The following RGL3 variants were observed in gnomAD, a reference collection of about 807,000 sequenced individuals.
RGL3 encodes ral guanine nucleotide dissociation stimulator like 3, also known as ral guanine nucleotide dissociation stimulator-like 3.
Under a neutral mutation model 90.6 loss-of-function variants are expected in RGL3, and 85 were observed. The ratio of observed to expected loss-of-function variants is 0.94; its 90% CI spans 0.79 to 1.12. The LOEUF (loss-of-function observed/expected upper bound fraction) is 1.12, where lower values mean the gene tolerates loss of function less well. Among genes scored for constraint, RGL3 ranks in the 50% most tolerant of loss-of-function variants. The pLI, the probability that RGL3 is intolerant of heterozygous loss-of-function variation, is 0.00. For synonymous variants in RGL3, 408 were observed against 385.5 expected (o/e 1.06, Z -0.68); for missense variants, 1,034 against 939.2 (o/e 1.10, Z -1.32).
chr19:11,417,310 C>A (rs928019794), intron 2 of RGL3, among the ~76,000 whole-genome samples: 2 of 151,560 alleles, frequency 1.3e-5, no homozygotes, highest in African/African-American at 4.9e-5. Context: ...ACCACCAAGC[C>A]CAGCTAATTT....
chr19:11,396,158 ATTTTTTTTTTT>A (rs1169850022), intron 18 of RGL3, among the ~76,000 whole-genome samples: 341 of 25,554 alleles, frequency 0.013, 8 homozygotes, highest in African/African-American at 0.04. Flanking sequence ...ATATATATAT[ATTTTTTTTTTT>A]TTTTTTTTTT....
Position 11,405,494 on chromosome 19 carries a change from C to CTTTT in RGL3, c.997-72_997-69dup, listed in dbSNP as rs771398199. On this transcript the variant is annotated intron_variant, in intron 7 of 18. Transcript: ENST00000380456. ...ACCTTTCATCCTGAAACTTCTTCAT[C>CTTTT]TTTTTTTTTTTTTTTTTTTTTTTTT... The CTTTT allele has an allele frequency of 1.7e-3, 281 of 163,932 alleles. 20 individuals carry two copies. Among genetic ancestry groups the CTTTT allele is most frequent in the Non-Finnish European group, 2.3e-3 (189 of 82,254 alleles). The allele number at this position is 163,932 out of a possible 1,614,324, so 10.2% of individuals were successfully genotyped here. A position where few individuals can be genotyped will look rare whatever the true frequency, so the allele number is the denominator to read the frequency against.
chr19:11,402,240 A>C lies in RGL3; in HGVS notation c.1337T>G (p.Leu446Arg). ...TALPDMLEGD[L>R]INFEKRRKEW... Reference sequence around the variant, plus strand: ...CTTCCTCCTCTTCTCAAAGTTAATGAGATCCCCCTGGGGGCAAAGTGTGTC... The same window carrying C: ...CTTCCTCCTCTTCTCAAAGTTAATGCGATCCCCCTGGGGGCAAAGTGTGTC... Residue 446 changes from leucine (L) to arginine (R), a missense_variant, in exon 12 of 19, where the codon CTC becomes CGC. Coordinates refer to ENST00000380456, the MANE Select transcript of RGL3 (RefSeq NM_001035223.4). 6.2e-7 allele frequency: 1 copy of C among 1,613,474 alleles called. No homozygotes were observed. The highest frequency in any genetic ancestry group is 1.1e-5 in the South Asian group (1 of 91,070).
chr19:11,402,449 T>A lies in RGL3; in HGVS notation c.1329+6A>T, dbSNP rs1176358702. On this transcript the variant is annotated splice_donor_region_variant and intron_variant, in intron 11 of 18. Transcript: ENST00000380456. Reference sequence around the variant, plus strand: ...GGGGTCAGGGGTCAAGGGTCAGGGGTCAGACCTCCAACATATCCGGCAGGG... The same window carrying A: ...GGGGTCAGGGGTCAAGGGTCAGGGGACAGACCTCCAACATATCCGGCAGGG... 6.3e-7 allele frequency: 1 copy of A among 1,597,566 alleles called. No individual in the cohort carries two copies. The highest frequency in any genetic ancestry group is 8.5e-7 in the Non-Finnish European group (1 of 1,172,962).
chr19:11,406,583 G>A lies in RGL3; in HGVS notation c.832C>T (p.Gln278Ter). Reference protein sequence around the residue: ...LYECLGSVWSQRDRPGAAGAS... With the variant: ...LYECLGSVWS ...CCTGCAGCCCCCGGCCGGTCCCTCTGCGACCACACGGAGCCCAAGCACTCG... is the reference window on the plus strand; with the variant it reads ...CCTGCAGCCCCCGGCCGGTCCCTCTACGACCACACGGAGCCCAAGCACTCG... Residue 278 changes from glutamine (Q) to a stop codon, truncating the protein, a stop_gained, in exon 7 of 19, where the codon CAG becomes TAG. Coordinates refer to ENST00000380456, the MANE Select transcript of RGL3 (RefSeq NM_001035223.4). LOFTEE classifies it high-confidence loss of function. The A allele has an allele frequency of 6.4e-7, 1 of 1,552,030 alleles. No individual in the cohort carries two copies. Among genetic ancestry groups the A allele is most frequent in the Non-Finnish European group, 8.7e-7 (1 of 1,148,078 alleles).
intron 13 of RGL3, among the ~76,000 whole-genome samples, chr19:11,400,647 T>C (rs923941182): frequency 6.6e-5 from 10 of 150,488 alleles, no homozygotes; most frequent in Non-Finnish European, 1.5e-4. Context: ...GGGTCAAGAG[T>C]TCGAAACCAG....
chr19:11,413,534 C>CAAAA (rs1291598746), intron 5 of RGL3, among the ~76,000 whole-genome samples: 3 of 31,250 alleles, frequency 9.6e-5, no homozygotes, highest in East Asian at 1.0e-3. Context: ...GGCTCCGTCT[C>CAAAA]AAAAAAAAAA....
At chr19:11,394,730 A>G (rs1419480567) in intron 18 of RGL3, 4 of 522,402 alleles carry the variant, frequency 7.7e-6, no homozygotes, top group African/African-American at 5.8e-5. Context: ...TTCCCTTATC[A>G]TAAGCCTGGG....
intron 5 of RGL3, among the ~76,000 whole-genome samples, chr19:11,414,165 A>ATATATACCTT (rs1568341499): frequency 9.0e-6 from 1 of 111,248 alleles, no homozygotes; most frequent in South Asian, 2.8e-4. Flanking sequence ...ATATATATAT[A>ATATATACCTT]TATATATATA....
chr19:11,416,731 C>G, intron 3 of RGL3, 64 bp from the exon 4 acceptor site: 2 of 1,597,744 alleles, frequency 1.3e-6, no homozygotes, highest in Non-Finnish European at 1.7e-6. Flanking sequence ...GAAGAGGGCT[C>G]TGGGTCTGGG....
intron 16 of RGL3, among the ~76,000 whole-genome samples, 183 bp downstream of exon 16, chr19:11,399,672 C>T (rs1030282253): frequency 8.5e-5 from 13 of 152,240 alleles, no homozygotes; most frequent in Non-Finnish European, 1.6e-4. Flanking sequence ...GAGTGATCAC[C>T]CAAACAGGGC....
In RGL3 at chr19:11,397,516, G is replaced by A. The variant is rs111956126; in HGVS notation, c.1828C>T (p.Gln610Ter). The A allele has an allele frequency of 7.4e-4, 1,196 of 1,613,496 alleles. No homozygotes were observed. Among genetic ancestry groups the A allele is most frequent in the Admixed American group, 1.3e-3 (80 of 59,964 alleles). ...CGGATGACACGGGCCTCCGAGCTCT[G>A]CTGCGCCGGGAGGGGGATTCGAGGG... Reference protein sequence around the residue: ...GSPRIPLPAQQSSEARVIRVS... With the variant: ...GSPRIPLPAQ Residue 610 changes from glutamine (Q) to a stop codon, truncating the protein, a stop_gained, in exon 17 of 19, where the codon CAG becomes TAG. Coordinates refer to ENST00000380456, the MANE Select transcript of RGL3 (RefSeq NM_001035223.4). LOFTEE classifies it high-confidence loss of function.
rs762784889 is a variant in RGL3 at position 11,402,141 on chromosome 19, C to T, written c.1363-9G>A. The T allele has an allele frequency of 4.1e-5, 65 of 1,601,834 alleles. No individual in the cohort carries two copies. Among genetic ancestry groups the T allele is most frequent in the South Asian group, 6.7e-5 (6 of 90,050 alleles). ...GCCAGGATCTCCCACTCCTGGAGGA[C>T]GAGCCTCTAAGACCCTACCCCTGCC... is the stretch of plus-strand genomic sequence containing the variant. On this transcript the variant is annotated splice_polypyrimidine_tract_variant and intron_variant, in intron 12 of 18. Coordinates refer to ENST00000380456, the MANE Select transcript of RGL3 (RefSeq NM_001035223.4).
chr19:11,418,651 C>A lies in RGL3; in HGVS notation c.147+20G>T. 1 of 1,525,630 alleles carries A rather than the reference C, an allele frequency of 6.6e-7. No homozygotes were observed. Among genetic ancestry groups the A allele is most frequent in the Non-Finnish European group, 8.8e-7 (1 of 1,136,294 alleles). The allele number at this position is 1,525,630 out of a possible 1,614,324, so 94.5% of individuals were successfully genotyped here. On this transcript the variant is annotated intron_variant, in intron 2 of 18. Coordinates refer to ENST00000380456, the MANE Select transcript of RGL3 (RefSeq NM_001035223.4). ...CTGGTCGCTTCCGGCCCCGCGCCAC[C>A]CACCAAACCCCCTCCTCACCTGGCT...
intron 18 of RGL3, 64 bp from the exon 19 acceptor site, chr19:11,394,584 C>A (rs1258698836): frequency 8.0e-7 from 1 of 1,252,504 alleles, no homozygotes; most frequent in Non-Finnish European, 1.2e-6. Context: ...CACAGAGGAC[C>A]CGGGAGCCTC....
At position 11,402,142 on chromosome 19, in the gene RGL3, G is replaced by A. The variant is rs201281879; in HGVS notation, c.1363-10C>T. 16 of 1,610,806 alleles carry A rather than the reference G, an allele frequency of 9.9e-6. No individual in the cohort carries two copies. Among genetic ancestry groups the A allele is most frequent in the East Asian group, 8.9e-5 (4 of 44,876 alleles). On this transcript the variant is annotated splice_polypyrimidine_tract_variant and intron_variant, in intron 12 of 18. Transcript: ENST00000380456. ...CCAGGATCTCCCACTCCTGGAGGAC[G>A]AGCCTCTAAGACCCTACCCCTGCCC...
chr19:11,410,098 C>A (rs2144732524), intron 5 of RGL3, among the ~76,000 whole-genome samples: 1 of 151,186 alleles, frequency 6.6e-6, no homozygotes, highest in East Asian at 1.9e-4. Context: ...CCACTATGCC[C>A]AGCCAGCTAA....
At chr19:11,399,041 C>T (rs745851495) in intron 16 of RGL3, among the ~76,000 whole-genome samples, 8 of 152,086 alleles carry the variant, frequency 5.3e-5, no homozygotes, top group Non-Finnish European at 7.3e-5. Flanking sequence ...TAGCTCACTG[C>T]AGCCTCAAAC....
At position 11,406,470 on chromosome 19, in the gene RGL3, C is replaced by T; in HGVS notation, c.945G>A (p.Leu315=). ...GCCGCTGCGCCCTCTGCGGGGCGGC[C>T]AAGCCCGGTGCTCCGAGCACGGAAC... ...VLGSVLGAPG[L]AAPQRAQRLE... The change falls in exon 7 of 19, where the codon TTG becomes TTA. Residue 315 remains leucine, a synonymous_variant. Transcript: ENST00000380456. 2 of 1,552,760 alleles carry T rather than the reference C, an allele frequency of 1.3e-6. No individual in the cohort carries two copies. Among genetic ancestry groups the T allele is most frequent in the Non-Finnish European group, 1.7e-6 (2 of 1,152,066 alleles).
Sources: allele counts gnomAD v4.1 joint callset (sites outside exome capture counted in the v4.1 genomes callset), GRCh38; gene constraint gnomAD v4.1.1; transcripts MANE v1.5; gene names NCBI Gene and HGNC (gene_info 2026-07-23, HGNC 2026-07-21).